Variants in E2F7 observed in about 807,000 individuals in gnomAD.
The protein encoded by E2F7 is transcription factor E2F7.
E2F7 carries 35 observed loss-of-function variants against 81.1 expected under a neutral mutation model. That is an observed-to-expected ratio of 0.43 (90% CI 0.33 to 0.57). The LOEUF (loss-of-function observed/expected upper bound fraction) is 0.57, where lower values mean the gene tolerates loss of function less well. Among genes scored for constraint, E2F7 ranks in the 20% least tolerant of loss-of-function variants. The pLI is 0.04. For missense variants in E2F7, 961 were observed against 1,093.7 expected, an observed-to-expected ratio of 0.88 and a Z score of 1.71; for synonymous variants, 416 against 416.2, an observed-to-expected ratio of 1.00 and a Z score of 0.01.
intron 4 of E2F7, among the ~76,000 whole-genome samples, chr12:77,049,369 C>G (rs767937859): frequency 3.3e-5 from 5 of 152,170 alleles, no homozygotes; most frequent in Non-Finnish European, 4.4e-5. Flanking sequence ...TAGAGATGGA[C>G]AGGACAGCTA....
At position 77,030,334 on chromosome 12, in the gene E2F7, T is replaced by TATA; in HGVS notation, c.1383-5_1383-3dup. On this transcript the variant is annotated splice_region_variant and splice_polypyrimidine_tract_variant and intron_variant, in intron 9 of 12. Coordinates refer to ENST00000322886, the MANE Select transcript of E2F7 (RefSeq NM_203394.3). ...CTCTTACTGGCAAAGGCTTTTCCCC[T>TATA]ATAATAAAAAAGAAACGTAACGAAG... 6.6e-7 allele frequency: 1 copy of TATA among 1,524,956 alleles called. No homozygotes were observed. Among genetic ancestry groups the TATA allele is most frequent in the Non-Finnish European group, 8.8e-7 (1 of 1,137,740 alleles). The allele number at this position is 1,524,956 out of a possible 1,614,324, so 94.5% of individuals were successfully genotyped here. A position where few individuals can be genotyped will look rare whatever the true frequency, so the allele number is the denominator to read the frequency against.
rs1157350152 is a variant in E2F7 at position 77,065,395 on chromosome 12, C to T, written c.-51G>A. The T allele has an allele frequency of 6.6e-6, 1 of 152,466 alleles. No homozygotes were observed. The highest frequency in any genetic ancestry group is 2.4e-5 in the African/African-American group (1 of 41,468). 9.4% of individuals were successfully genotyped at this position (152,466 alleles called of 1,614,324 possible). ...GCCTCTGCAGGGACCTCCACGGACC[C>T]AAGCCGATGAGGGAAGGTGGTGCGG... is the stretch of plus-strand genomic sequence containing the variant. On this transcript the variant is annotated 5_prime_UTR_variant, in exon 1 of 13. Coordinates refer to ENST00000322886, the MANE Select transcript of E2F7 (RefSeq NM_203394.3).
At chr12:77,051,913 CAA>C (rs1954992505) in intron 3 of E2F7, among the ~76,000 whole-genome samples, 1 of 152,118 alleles carries the variant, frequency 6.6e-6, no homozygotes, top group Non-Finnish European at 1.5e-5. Flanking sequence ...CAAAAAAACT[CAA>C]AAGAATTTCA....
At chr12:77,040,140 ATATGACCTTGTT>A (rs1199177971) in intron 7 of E2F7, among the ~76,000 whole-genome samples, 24 of 152,202 alleles carry the variant, frequency 1.6e-4, no homozygotes, top group African/African-American at 5.3e-4. Flanking sequence ...GCTGATCAAT[ATATGACCTTGTT>A]TATGTGTGTT....
intron 7 of E2F7, among the ~76,000 whole-genome samples, chr12:77,035,391 T>C (rs1954840297): frequency 6.6e-6 from 1 of 152,146 alleles, no homozygotes; most frequent in Non-Finnish European, 1.5e-5. Flanking sequence ...TCAAAAGCAC[T>C]AGAGGGTACA....
Position 77,023,375 on chromosome 12 carries a change from T to C in E2F7, c.*640A>G, listed in dbSNP as rs752952855. The stretch of plus-strand genomic sequence containing the variant: ...GTTATTTTGGTCTTGACATGTGTCA[T>C]GTAGATACATTTATCCACATTATTA... On this transcript the variant is annotated 3_prime_UTR_variant, in exon 13 of 13. Transcript: ENST00000322886. The C allele has an allele frequency of 2.6e-5, 4 of 152,704 alleles. No homozygotes were observed. Among genetic ancestry groups the C allele is most frequent in the Admixed American group, 6.5e-5 (1 of 15,282 alleles). The allele number at this position is 152,704 out of a possible 1,614,324, so 9.5% of individuals were successfully genotyped here. A position where few individuals can be genotyped will look rare whatever the true frequency, so the allele number is the denominator to read the frequency against.
chr12:77,036,682 C>T (rs1954852001), intron 7 of E2F7, among the ~76,000 whole-genome samples: 1 of 152,114 alleles, frequency 6.6e-6, no homozygotes, highest in African/African-American at 2.4e-5. Flanking sequence ...CACCACCTTC[C>T]TCCCAAGTAG....
At chr12:77,057,887 T>C (rs1955046827) in intron 2 of E2F7, among the ~76,000 whole-genome samples, 1 of 152,222 alleles carries the variant, frequency 6.6e-6, no homozygotes, top group South Asian at 2.1e-4. Flanking sequence ...ACATTCTGTA[T>C]AGCTACTGAA....
chr12:77,031,061 A>T (rs1202898091), intron 9 of E2F7, among the ~76,000 whole-genome samples: 1 of 152,148 alleles, frequency 6.6e-6, no homozygotes. Context: ...CACACAATCA[A>T]AATTAAGTCC....
At chr12:77,052,316 A>G (rs1954996690) in intron 3 of E2F7, among the ~76,000 whole-genome samples, 3 of 152,152 alleles carry the variant, frequency 2.0e-5, no homozygotes, top group Admixed American at 2.0e-4. Context: ...TGAGGGTCCC[A>G]TTTTACCTGA....
rs774378085 is a variant in E2F7 at position 77,034,003 on chromosome 12, T to A, written c.1163A>T (p.Glu388Val). The change falls in exon 8 of 13, where the codon GAA becomes GTA. Residue 388 changes from glutamate (E) to valine (V), a missense_variant. Coordinates refer to ENST00000322886, the MANE Select transcript of E2F7 (RefSeq NM_203394.3). ...LVDVSASVLP[E>V]LKRETYGQIQ... ...CTGGCCATATGTTTCTCTTTTCAAT[T>A]CTGGTAAGACAGATGCAGAAACATC... 1 of 1,614,140 alleles carries A rather than the reference T, an allele frequency of 6.2e-7. No individual in the cohort carries two copies. The highest frequency in any genetic ancestry group is 8.5e-7 in the Non-Finnish European group (1 of 1,180,002).
Position 77,030,050 on chromosome 12 carries a change from G to C in E2F7, c.1665C>G (p.Phe555Leu), listed in dbSNP as rs757940577. The change falls in exon 10 of 13, where the codon TTC becomes TTG. Residue 555 changes from phenylalanine to leucine, a missense_variant. Phe to Leu is a conservative substitution (Grantham distance 22). Transcript: ENST00000322886. ...CCTCCTGCAGACTTCCATACAGCAT[G>C]AACAGTGAGGCAGAGGGCACATACA... The part of the protein sequence containing the change: ...PLVYVPSASL[F>L]MLYGSLQEGP... The C allele has an allele frequency of 6.2e-7, 1 of 1,614,176 alleles. No homozygotes were observed.
intron 4 of E2F7, among the ~76,000 whole-genome samples, chr12:77,046,713 T>C (rs1954946062): frequency 1.3e-5 from 2 of 152,190 alleles, no homozygotes; most frequent in African/African-American, 4.8e-5. Flanking sequence ...AAATGGATGG[T>C]TGACTGTGAC....
Position 77,023,937 on chromosome 12 carries a change from GGGATGGTTT to G in E2F7, c.*69_*77del. On this transcript the variant is annotated 3_prime_UTR_variant, in exon 13 of 13. Transcript: ENST00000322886. The stretch of plus-strand genomic sequence containing the variant: ...GAGAGGAAGGACCCGTGCTCAGGAC[GGGATGGTTT>G]GCATCCCGCCTCGGACATCCGGGAC... The G allele has an allele frequency of 6.5e-7, 1 of 1,534,336 alleles. No homozygotes were observed. The highest frequency in any genetic ancestry group is 8.8e-7 in the Non-Finnish European group (1 of 1,134,454).
intron 7 of E2F7, among the ~76,000 whole-genome samples, chr12:77,034,718 C>T (rs1022913495): frequency 2.6e-5 from 4 of 152,334 alleles, no homozygotes; most frequent in Admixed American, 1.3e-4. Context: ...GTTGTACAGA[C>T]AGTCATCTCT....
rs917342604 is a variant in E2F7 at position 77,023,053 on chromosome 12, T to G, written c.*962A>C. On this transcript the variant is annotated 3_prime_UTR_variant, in exon 13 of 13. Transcript: ENST00000322886. Reference sequence around the variant, plus strand: ...ATTCAACGAAAAGGTCTCATCCAGGTTCCAATTTTCCATATAATCACTTTC... The same window carrying G: ...ATTCAACGAAAAGGTCTCATCCAGGGTCCAATTTTCCATATAATCACTTTC... The G allele has an allele frequency of 3.3e-5, 5 of 152,230 alleles. No homozygotes were observed. Among genetic ancestry groups the G allele is most frequent in the African/African-American group, 1.2e-4 (5 of 41,458 alleles). 9.4% of individuals were successfully genotyped at this position (152,230 alleles called of 1,614,324 possible).
intron 2 of E2F7, 74 bp from the exon 3 acceptor site, chr12:77,056,204 C>G: frequency 7.1e-7 from 1 of 1,416,734 alleles, no homozygotes; most frequent in Non-Finnish European, 9.5e-7. Flanking sequence ...TTGTTCCCAC[C>G]ATTCACTAAG....
At chr12:77,034,567 G>A (rs1481063259) in intron 7 of E2F7, among the ~76,000 whole-genome samples, 1 of 152,188 alleles carries the variant, frequency 6.6e-6, no homozygotes, top group African/African-American at 2.4e-5. Flanking sequence ...AAAGGAATAA[G>A]GTCAGCAGAA....
intron 9 of E2F7, among the ~76,000 whole-genome samples, chr12:77,030,742 G>A (rs953536604): frequency 9.9e-5 from 15 of 152,182 alleles, no homozygotes; most frequent in East Asian, 3.9e-4. Flanking sequence ...GTTTACTAGC[G>A]AGGAAGACTG....
Sources: gnomAD v4.1 joint callset for allele counts (sites outside exome capture counted in the v4.1 genomes callset) on GRCh38, gnomAD v4.1.1 for gene constraint, MANE v1.5 for transcripts, NCBI Gene and HGNC (gene_info 2026-07-23, HGNC 2026-07-21) for gene names.